The following TXLNG variants were observed in gnomAD, a reference collection of about 807,000 sequenced individuals.
TXLNG encodes gamma-taxilin.
In TXLNG, 5 loss-of-function variants were observed where a neutral mutation model predicts 38.8. The observed-to-expected ratio is 0.13, with a 90% CI of 0.07 to 0.27. The LOEUF is 0.27. Among genes scored for constraint, TXLNG ranks in the 10% least tolerant of loss-of-function variants. The pLI is 1.00. For synonymous variants in TXLNG, 182 were observed against 158.2 expected (o/e 1.15, Z -1.13); for missense variants, 393 against 398.2 (o/e 0.99, Z 0.11).
chrX:16,791,240 TGAG>T (rs1434922197), intron 1 of TXLNG, among the ~76,000 whole-genome samples: 1 of 111,898 alleles, frequency 8.9e-6, no homozygotes, highest in Non-Finnish European at 1.9e-5. Context: ...ATAGACATAA[TGAG>T]GAGAAATCAG....
intron 3 of TXLNG, among the ~76,000 whole-genome samples, chrX:16,824,344 C>CAA (rs778537903): frequency 1.1e-5 from 1 of 91,828 alleles, no homozygotes. Context: ...ATGCTATCTC[C>CAA]AAAAAAAAAA....
At chrX:16,828,338 A>C (rs1929249805) in intron 4 of TXLNG, 74 bp downstream of exon 4, 1 of 1,009,472 alleles carries the variant, frequency 9.9e-7, no homozygotes, top group Non-Finnish European at 1.3e-6. Context: ...TGCCTATCTG[A>C]AATAAATCCT....
At chrX:16,824,899 C>A (rs780905863) in intron 3 of TXLNG, among the ~76,000 whole-genome samples, 1 of 109,186 alleles carries the variant, frequency 9.2e-6, no homozygotes, top group African/African-American at 3.4e-5. Context: ...GCATTCCAGC[C>A]TGGGCAGCAG....
chrX:16,790,105 C>T lies in TXLNG; in HGVS notation c.102+3516C>T, dbSNP rs145000125. The stretch of plus-strand genomic sequence containing the variant: ...GAGCCACTGCGCCCGACCCTTATCC[C>T]CTATTATTTACATCTTGCATTAGTG... On this transcript the variant is annotated intron_variant, in intron 1 of 9. Transcript: ENST00000380122. 3.6e-5 allele frequency among the ~76,000 whole-genome samples: 4 copies of T among 110,545 alleles called. No individual in the cohort carries two copies. In the East Asian group the frequency reaches 1.1e-3, roughly 31 times the overall value.
At chrX:16,804,050 A>G (rs1169349595) in intron 1 of TXLNG, among the ~76,000 whole-genome samples, 1 of 112,328 alleles carries the variant, frequency 8.9e-6, no homozygotes, top group Non-Finnish European at 1.9e-5. Flanking sequence ...ATAAAAAGAA[A>G]AAATAATTCT....
intron 1 of TXLNG, among the ~76,000 whole-genome samples, chrX:16,794,005 A>T (rs1927791013): frequency 8.9e-6 from 1 of 111,834 alleles, no homozygotes; most frequent in South Asian, 3.7e-4. Context: ...AGCAGTTTAT[A>T]TCTATCAGCA....
chrX:16,807,895 T>A (rs999959576), intron 1 of TXLNG, among the ~76,000 whole-genome samples: 2 of 111,432 alleles, frequency 1.8e-5, no homozygotes, highest in African/African-American at 6.5e-5. Context: ...AACCTAAAAA[T>A]TTTTTTTTCC....
rs1243152671 is a variant in TXLNG at position 16,786,531 on chromosome X, G to C, written c.44G>C (p.Gly15Ala). 6 of 1,102,769 alleles carry C rather than the reference G, an allele frequency of 5.4e-6. No individual in the cohort carries two copies. The African/African-American group carries it at 9.6e-5, about 18-fold the overall frequency. The allele number at this position is 1,102,769 out of a possible 1,213,427, so 90.9% of individuals were successfully genotyped here. Residue 15 changes from glycine (G) to alanine (A), a missense_variant, in exon 1 of 10, where the codon GGC (glycine) becomes GCC (alanine). Gly to Ala is a moderately conservative substitution (Grantham distance 60). Coordinates refer to ENST00000380122, the MANE Select transcript of TXLNG (RefSeq NM_018360.3). Reference protein sequence around the residue: ...VEEAARGRGGGAEEATEAGRG... With the variant: ...VEEAARGRGGAAEEATEAGRG... ...GAGGCAGCGCGGGGAAGAGGCGGCGGCGCCGAAGAGGCGACTGAGGCCGGA... is the reference window on the plus strand; with the variant it reads ...GAGGCAGCGCGGGGAAGAGGCGGCGCCGCCGAAGAGGCGACTGAGGCCGGA...
rs142922936 is a variant in TXLNG at position 16,841,458 on chromosome X, C to T, written c.1279C>T (p.Leu427Phe). 2 of 1,211,017 alleles carry T rather than the reference C, an allele frequency of 1.7e-6. No individual in the cohort carries two copies. The highest frequency in any genetic ancestry group is 5.9e-5 in the East Asian group (2 of 33,837). ...AGTCCGTGATAAAGAGTACAAGGCC[C>T]TTCAAATAAAACTGGAACGGTTAGA... ...KTVRDKEYKA[L>F]QIKLERLEKL... The change falls in exon 10 of 10, where the codon CTT (leucine) becomes TTT (phenylalanine). Residue 427 changes from leucine (L) to phenylalanine (F), a missense_variant. By Grantham distance (22) the Leu-to-Phe change is conservative. Transcript: ENST00000380122.
intron 1 of TXLNG, among the ~76,000 whole-genome samples, chrX:16,801,151 C>G (rs1928072883): frequency 8.9e-6 from 1 of 112,135 alleles, no homozygotes; most frequent in Non-Finnish European, 1.9e-5. Context: ...CCAGTTAAGC[C>G]TCTTTTCTTA....
At position 16,842,642 on chromosome X, in the gene TXLNG, G is replaced by A. The variant is rs987463230; in HGVS notation, c.*876G>A. 3.6e-5 allele frequency: 4 copies of A among 112,388 alleles called. No individual in the cohort carries two copies. The highest frequency in any genetic ancestry group is 1.3e-4 in the African/African-American group (4 of 30,922). The allele number at this position is 112,388 out of a possible 1,213,427, so 9.3% of individuals were successfully genotyped here. A position where few individuals can be genotyped will look rare whatever the true frequency, so the allele number is the denominator to read the frequency against. On this transcript the variant is annotated 3_prime_UTR_variant, in exon 10 of 10. Coordinates refer to ENST00000380122, the MANE Select transcript of TXLNG (RefSeq NM_018360.3). ...TCAAAGACAAGGACGGTCAATTCAC[G>A]TGTCACTTTCACTAGGCAGAAGTTT...
chrX:16,837,968 T>C (rs886603000), intron 8 of TXLNG, among the ~76,000 whole-genome samples: 2 of 112,130 alleles, frequency 1.8e-5, no homozygotes, highest in Admixed American at 1.9e-4. Flanking sequence ...CTGTTTTTTG[T>C]TTGTTTTAAC....
chrX:16,797,597 A>G (rs922019625), intron 1 of TXLNG, among the ~76,000 whole-genome samples: 1 of 112,579 alleles, frequency 8.9e-6, no homozygotes, highest in African/African-American at 3.2e-5. Flanking sequence ...TTCTTGCCAC[A>G]TGGGTCTTTC....
At chrX:16,817,161 C>T (rs1159501565) in intron 1 of TXLNG, among the ~76,000 whole-genome samples, 3 of 112,286 alleles carry the variant, frequency 2.7e-5, no homozygotes, top group Non-Finnish European at 5.6e-5. Context: ...ATAGTTTATC[C>T]ATTCTGCTAC....
rs138643427 is a variant in TXLNG, at chrX:16,818,629, A to G, written c.158A>G (p.Asp53Gly). ...ATTTGTGGGCTAGGGGTGAAAGCAG[A>G]TATGTTGTGTAACTCTCAATCAAAT... ...AGICGLGVKA[D>G]MLCNSQSNDI... The change falls in exon 2 of 10, where the codon GAT becomes GGT. Residue 53 changes from aspartate to glycine, a missense_variant. Coordinates refer to ENST00000380122, the MANE Select transcript of TXLNG (RefSeq NM_018360.3). 1.3e-4 allele frequency: 157 copies of G among 1,210,629 alleles called. No homozygotes were observed. The highest frequency in any genetic ancestry group is 1.6e-4 in the South Asian group (9 of 56,889).
chrX:16,832,548 A>T lies in TXLNG; in HGVS notation c.865-75A>T, dbSNP rs1929448227. ...AACAGCAGGGTGAGCAGGGTGCTGT[A>T]ACTGCTGTGATGTTTCCTCCCCACT... On this transcript the variant is annotated intron_variant, in intron 5 of 9. Transcript: ENST00000380122. 7 of 1,172,616 alleles carry T rather than the reference A, an allele frequency of 6.0e-6. No homozygotes were observed. In the South Asian group the frequency reaches 1.1e-4, roughly 19 times the overall value.
intron 1 of TXLNG, among the ~76,000 whole-genome samples, chrX:16,800,101 G>A (rs1322781125): frequency 1.8e-5 from 2 of 109,558 alleles, no homozygotes; most frequent in South Asian, 4.0e-4. Flanking sequence ...CACCACGCCC[G>A]GCTAATTTGT....
chrX:16,814,738 T>C (rs1229723662), intron 1 of TXLNG, among the ~76,000 whole-genome samples: 2 of 111,617 alleles, frequency 1.8e-5, no homozygotes, highest in African/African-American at 3.3e-5. Flanking sequence ...CTGAAGGTTA[T>C]AGAAGCATTA....
intron 1 of TXLNG, among the ~76,000 whole-genome samples, chrX:16,803,955 A>G (rs1928217780): frequency 9.0e-6 from 1 of 111,042 alleles, no homozygotes; most frequent in Admixed American, 9.5e-5. Context: ...CTGTCTCAAA[A>G]AAAAAGAAGC....
Sources: gnomAD v4.1 joint callset for allele counts (sites outside exome capture counted in the v4.1 genomes callset) on GRCh38, gnomAD v4.1.1 for gene constraint, MANE v1.5 for transcripts, NCBI Gene and HGNC (gene_info 2026-07-23, HGNC 2026-07-21) for gene names.